Variants in FANCD2 observed in about 807,000 individuals in gnomAD.
FANCD2 encodes Fanconi anemia group D2 protein.
Under a neutral mutation model 192.3 loss-of-function variants are expected in FANCD2, and 131 were observed. That is an observed-to-expected ratio of 0.68 (90% CI 0.59 to 0.79). The LOEUF (loss-of-function observed/expected upper bound fraction) is 0.79. Ranked by LOEUF, FANCD2 falls within the 30% of genes least tolerant of loss-of-function variation. The pLI is 0.00. For missense variants in FANCD2, 1,508 were observed against 1,701.6 expected (o/e 0.89, Z 2.00); for synonymous variants, 524 against 612.5 (o/e 0.86, Z 2.13).
chr3:10,049,780 G>C (rs1281720409), intron 17 of FANCD2, among the ~76,000 whole-genome samples: 1 of 152,212 alleles, frequency 6.6e-6, no homozygotes, highest in Non-Finnish European at 1.5e-5. Flanking sequence ...CTCTGGTAAA[G>C]TACTATAGAT....
At chr3:10,080,296 C>T (rs543941555) in intron 30 of FANCD2, among the ~76,000 whole-genome samples, 12 of 151,342 alleles carry the variant, frequency 7.9e-5, no homozygotes, top group East Asian at 2.0e-4. Context: ...TGTAGTGGCA[C>T]AATCTTGGCT....
intron 23 of FANCD2, among the ~76,000 whole-genome samples, chr3:10,065,110 G>A (rs566549167): frequency 2.6e-5 from 4 of 152,188 alleles, no homozygotes; most frequent in Admixed American, 6.5e-5. Flanking sequence ...CCAACGTGGC[G>A]AAACACTGTC....
intron 8 of FANCD2, among the ~76,000 whole-genome samples, 157 bp from the exon 9 acceptor site, chr3:10,039,564 T>TAA (rs1166071071): frequency 1.3e-5 from 2 of 152,244 alleles, no homozygotes; most frequent in Admixed American, 6.5e-5. Flanking sequence ...TATCATTTAT[T>TAA]AAATAAATTA....
intron 26 of FANCD2, among the ~76,000 whole-genome samples, chr3:10,071,507 TA>T (rs779004915): frequency 1.3e-5 from 2 of 152,142 alleles, no homozygotes; most frequent in Non-Finnish European, 2.9e-5. Context: ...TATTCAGCCA[TA>T]AAAAACAATG....
At chr3:10,028,784 T>A in intron 2 of FANCD2, 63 bp downstream of exon 2, 1 of 1,368,372 alleles carries the variant, frequency 7.3e-7, no homozygotes, top group Non-Finnish European at 1.0e-6. Flanking sequence ...GTGAGAGATA[T>A]AAAGTTCCTG....
intron 30 of FANCD2, among the ~76,000 whole-genome samples, chr3:10,079,253 A>T (rs1222037628): frequency 6.6e-6 from 1 of 152,094 alleles, no homozygotes; most frequent in East Asian, 1.9e-4. Flanking sequence ...CAGAAATAAA[A>T]AAAAAAAAAT....
chr3:10,050,353 G>T (rs187675742), intron 17 of FANCD2, among the ~76,000 whole-genome samples: 5 of 152,062 alleles, frequency 3.3e-5, no homozygotes, highest in Admixed American at 6.6e-5. Flanking sequence ...GTCCGGGTGC[G>T]GTGGCTCATG....
intron 36 of FANCD2, among the ~76,000 whole-genome samples, chr3:10,089,459 T>C (rs1485396961): frequency 6.6e-6 from 1 of 152,030 alleles, no homozygotes; most frequent in Non-Finnish European, 1.5e-5. Flanking sequence ...GAGAGGACCA[T>C]GGTGGTTTTT....
chr3:10,074,683 A>G lies in FANCD2; in HGVS notation c.2859+10A>G. The G allele has an allele frequency of 6.2e-7, 1 of 1,613,156 alleles. No individual in the cohort carries two copies. Among genetic ancestry groups the G allele is most frequent in the Non-Finnish European group, 8.5e-7 (1 of 1,179,420 alleles). ...TGAAATGCACACTGAAGTAAGTGAC[A>G]GGCTAGGATCTCAGAATTTAATCTT... On this transcript the variant is annotated intron_variant, in intron 29 of 43. Transcript: ENST00000675286.
chr3:10,032,748 C>T lies in FANCD2; in HGVS notation c.65-84C>T, dbSNP rs113072264. ...TAATTTTTAAGGACACATCAGTTTT[C>T]CTCTCATGATTATTATTCCTGGGTT... On this transcript the variant is annotated intron_variant, in intron 2 of 43. Coordinates refer to ENST00000675286, the MANE Select transcript of FANCD2 (RefSeq NM_001018115.3). The T allele has an allele frequency of 6.7e-5, 81 of 1,211,426 alleles. 4 individuals carry two copies. Among genetic ancestry groups the T allele is most frequent in the African/African-American group, 6.0e-4 (40 of 66,368 alleles). The allele number at this position is 1,211,426 out of a possible 1,614,324, so 75.0% of individuals were successfully genotyped here.
intron 29 of FANCD2, 71 bp downstream of exon 29, chr3:10,074,744 C>A: frequency 7.0e-7 from 1 of 1,435,966 alleles, no homozygotes; most frequent in Non-Finnish European, 9.8e-7. Context: ...TCTTATTTCA[C>A]AAAGAACACT....
intron 14 of FANCD2, among the ~76,000 whole-genome samples, chr3:10,045,103 C>CTTTTTTTTTTTAA (rs2086966393): frequency 1.1e-5 from 1 of 95,230 alleles, no homozygotes; most frequent in African/African-American, 6.6e-5. Context: ...TTTTTTTTTC[C>CTTTTTTTTTTTAA]TGGAAGCATA....
At chr3:10,091,342 A>G (rs537256927) in intron 37 of FANCD2, among the ~76,000 whole-genome samples, 8 of 150,634 alleles carry the variant, frequency 5.3e-5, no homozygotes, top group African/African-American at 2.0e-4. Flanking sequence ...CAGCCTCCCA[A>G]AGTGCTGGGA....
Position 10,041,854 on chromosome 3 carries a change from T to C in FANCD2, c.783+144T>C, listed in dbSNP as rs1446118923. The C allele has an allele frequency of 3.8e-4, 259 of 684,214 alleles. 1 individual carries two copies. The East Asian group carries it at 7.0e-3, about 19-fold the overall frequency. The allele number at this position is 684,214 out of a possible 1,614,324, so 42.4% of individuals were successfully genotyped here. Reference sequence around the variant, plus strand: ...ATTTGATATCTCTCTTTTTTTTTTTTTTTCCCCTCAATGAGTTTCAGATGC... The same window carrying C: ...ATTTGATATCTCTCTTTTTTTTTTTCTTTCCCCTCAATGAGTTTCAGATGC... On this transcript the variant is annotated intron_variant, in intron 10 of 43. Transcript: ENST00000675286.
chr3:10,040,340 G>A, intron 9 of FANCD2: 1 of 372,168 alleles, frequency 2.7e-6, no homozygotes, highest in South Asian at 2.0e-5. Context: ...CTGGCCCCAT[G>A]TACTTTCTTT....
chr3:10,033,212 G>C (rs1431024674), intron 3 of FANCD2, among the ~76,000 whole-genome samples: 1 of 152,052 alleles, frequency 6.6e-6, no homozygotes, highest in Admixed American at 6.6e-5. Context: ...AGGAATTTGC[G>C]ACCGGCCTGG....
At chr3:10,082,756 C>T (rs144365161) in intron 32 of FANCD2, among the ~76,000 whole-genome samples, 1 of 152,254 alleles carries the variant, frequency 6.6e-6, no homozygotes, top group African/African-American at 2.4e-5. Flanking sequence ...CTCTGGTATC[C>T]GTTCGTGATA....
intron 15 of FANCD2, among the ~76,000 whole-genome samples, chr3:10,047,221 TA>T (rs1559378299): frequency 6.6e-6 from 1 of 152,292 alleles, no homozygotes. Flanking sequence ...TATTTAGGAA[TA>T]GATTTAACGG....
Position 10,070,973 on chromosome 3 carries a change from C to T in FANCD2, c.2495-1898C>T, listed in dbSNP as rs556494105. 4.6e-3 allele frequency among the ~76,000 whole-genome samples: 672 copies of T among 145,704 alleles called. 7 individuals carry two copies. The highest frequency in any genetic ancestry group is 7.5e-3 in the Non-Finnish European group (493 of 66,148). ...ATCACCACTCCCTAATCTCAAGTAC[C>T]CAGGGACACAAACACTGCGGAAGGC... is the stretch of plus-strand genomic sequence containing the variant. On this transcript the variant is annotated intron_variant, in intron 26 of 43. Coordinates refer to ENST00000675286, the MANE Select transcript of FANCD2 (RefSeq NM_001018115.3).
Sources: allele counts gnomAD v4.1 joint callset (sites outside exome capture counted in the v4.1 genomes callset), GRCh38; gene constraint gnomAD v4.1.1; transcripts MANE v1.5; gene names NCBI Gene and HGNC (gene_info 2026-07-23, HGNC 2026-07-21).